ARHGEF3: variants seen among roughly 807,000 people sequenced by gnomAD.
ARHGEF3 encodes the protein Rho guanine nucleotide exchange factor 3.
A neutral mutation model predicts 63.2 loss-of-function variants in ARHGEF3; 28 were observed. The ratio of observed to expected loss-of-function variants is 0.44; its 90% CI spans 0.33 to 0.61. ARHGEF3 has a LOEUF of 0.61. ARHGEF3 is among the 20% of genes least tolerant of loss of function. The pLI is 0.03. For synonymous variants in ARHGEF3, 266 were observed against 254.2 expected (o/e 1.05, Z -0.44); for missense variants, 533 against 659.3 (o/e 0.81, Z 2.10).
intron 1 of ARHGEF3, among the ~76,000 whole-genome samples, chr3:57,044,616 C>T (rs1335204404): frequency 6.6e-6 from 1 of 152,166 alleles, no homozygotes; most frequent in African/African-American, 2.4e-5. Flanking sequence ...GACTGAGTAC[C>T]AGTTCCAGTT....
chr3:57,064,692 G>A (rs1579201599), intron 1 of ARHGEF3, among the ~76,000 whole-genome samples: 1 of 152,290 alleles, frequency 6.6e-6, no homozygotes, highest in Admixed American at 6.5e-5. Flanking sequence ...GTCACAAAAG[G>A]ACAAATATGG....
chr3:57,013,689 T>C lies in ARHGEF3; in HGVS notation c.62+21399A>G, dbSNP rs186738202. Among the ~76,000 whole-genome samples the C allele has an allele frequency of 2.2e-3, 336 of 152,316 alleles. 7 individuals carry two copies. The highest frequency in any genetic ancestry group is 0.019 in the Admixed American group (298 of 15,302). ...CACCAATCAGTGCTCTGTGTCTAGC[T>C]AATCTAGTGGAGACTTGGAGAACTT... On this transcript the variant is annotated intron_variant, in intron 2 of 12. Transcript: ENST00000338458.
rs2035241483 is a variant in ARHGEF3, at chr3:56,758,657, C to T, written c.205-3506G>A. 2.0e-5 allele frequency among the ~76,000 whole-genome samples: 3 copies of T among 152,214 alleles called. No homozygotes were observed. The South Asian group carries it at 6.2e-4, about 32-fold the overall frequency. On this transcript the variant is annotated intron_variant, in intron 2 of 9. Coordinates refer to ENST00000296315, the MANE Select transcript of ARHGEF3 (RefSeq NM_019555.3). The stretch of plus-strand genomic sequence containing the variant: ...CCTATGCAGGTCAAGAAAGTACTTG[C>T]ACCAAATACACAGTTCACTAATGGT...
chr3:56,991,912 G>A (rs1204255606), intron 2 of ARHGEF3, among the ~76,000 whole-genome samples: 1 of 152,148 alleles, frequency 6.6e-6, no homozygotes, highest in South Asian at 2.1e-4. Flanking sequence ...ACCGCGCCCG[G>A]CCCATTAACC....
At chr3:56,819,511 GTT>G (rs11391422) in intron 4 of ARHGEF3, among the ~76,000 whole-genome samples, 5 of 138,448 alleles carry the variant, frequency 3.6e-5, no homozygotes, top group African/African-American at 5.4e-5. Flanking sequence ...CCAGGTGGCA[GTT>G]TTTTTTTTTT....
In ARHGEF3 at chr3:56,990,336, G is replaced by A. The variant is rs117102445; in HGVS notation, c.63-31447C>T. Among the ~76,000 whole-genome samples, 99 of 152,296 alleles carry A rather than the reference G, an allele frequency of 6.5e-4. 1 individual carries two copies. In the East Asian group the frequency reaches 0.012, roughly 18 times the overall value. On this transcript the variant is annotated intron_variant, in intron 2 of 12. Transcript: ENST00000338458. ...CCATGGCTCACGCCTGTAATCCCAC[G>A]ACTTTGGGAGGCCAAGGCAGATGGA...
At position 56,868,632 on chromosome 3, in the gene ARHGEF3, G is replaced by C. The variant is rs568856670; in HGVS notation, c.192+13660C>G. Among the ~76,000 whole-genome samples the C allele has an allele frequency of 1.8e-4, 28 of 152,194 alleles. No homozygotes were observed. In the East Asian group the frequency reaches 5.2e-3, roughly 28 times the overall value. On this transcript the variant is annotated intron_variant, in intron 4 of 12. Transcript: ENST00000338458. Reference sequence around the variant, plus strand: ...CCTGCCTCAGCCTCCAAAAGTGCTGGGATTACAGGCATGAGCCACTGCGCC... The same window carrying C: ...CCTGCCTCAGCCTCCAAAAGTGCTGCGATTACAGGCATGAGCCACTGCGCC...
chr3:56,932,875 T>A (rs2042449986), intron 3 of ARHGEF3, among the ~76,000 whole-genome samples: 1 of 152,206 alleles, frequency 6.6e-6, no homozygotes, highest in Admixed American at 6.5e-5. Context: ...AGGTCAATGA[T>A]TTCAACTGTT....
chr3:56,953,834 G>T (rs1279497397), intron 3 of ARHGEF3, among the ~76,000 whole-genome samples: 7 of 152,142 alleles, frequency 4.6e-5, no homozygotes, highest in African/African-American at 1.7e-4. Flanking sequence ...CCAAGAGAGT[G>T]GCAAAGCTGA....
intron 3 of ARHGEF3, among the ~76,000 whole-genome samples, chr3:56,916,054 G>C (rs76409285): frequency 6.6e-6 from 1 of 152,082 alleles, no homozygotes; most frequent in South Asian, 2.1e-4. Flanking sequence ...ACGCCACTCA[G>C]CTCACCCTCG....
chr3:56,798,894 T>G (rs2037503215), intron 1 of ARHGEF3, among the ~76,000 whole-genome samples: 1 of 152,198 alleles, frequency 6.6e-6, no homozygotes, highest in Non-Finnish European at 1.5e-5. Context: ...TTATGGATAT[T>G]AAAATTAAAC....
chr3:57,003,269 G>A (rs1041454377), intron 2 of ARHGEF3, among the ~76,000 whole-genome samples: 18 of 151,362 alleles, frequency 1.2e-4, no homozygotes, highest in Non-Finnish European at 2.2e-4. Context: ...TGGGTGTGGC[G>A]GCGCACTCCT....
In ARHGEF3 at chr3:56,728,791, T is replaced by C. The variant is rs1559876002; in HGVS notation, c.*479A>G. The stretch of plus-strand genomic sequence containing the variant: ...AAACCAAGTTCACTTCATGAGTTGG[T>C]CTTTCCTGATTCTCTCTCTAATACC... On this transcript the variant is annotated 3_prime_UTR_variant, in exon 10 of 10. Transcript: ENST00000296315. 6.5e-6 allele frequency: 1 copy of C among 154,588 alleles called. No individual in the cohort carries two copies. The highest frequency in any genetic ancestry group is 1.9e-4 in the East Asian group (1 of 5,198). The allele number at this position is 154,588 out of a possible 1,614,324, so 9.6% of individuals were successfully genotyped here.
intron 1 of ARHGEF3, among the ~76,000 whole-genome samples, chr3:57,056,889 C>T (rs560400940): frequency 5.3e-5 from 8 of 151,906 alleles, no homozygotes; most frequent in East Asian, 3.9e-4. Flanking sequence ...TTCAAGCAGG[C>T]GACAAAACAC....
intron 3 of ARHGEF3, among the ~76,000 whole-genome samples, chr3:56,944,544 A>G (rs1699365793): frequency 7.2e-6 from 1 of 138,874 alleles, no homozygotes; most frequent in South Asian, 2.5e-4. Context: ...GTTGCTTCTT[A>G]TGGATGAGCA....
At chr3:56,795,141 A>T (rs1248076106) in intron 1 of ARHGEF3, among the ~76,000 whole-genome samples, 4 of 152,032 alleles carry the variant, frequency 2.6e-5, no homozygotes, top group Admixed American at 2.6e-4. Context: ...CTGGGATCCA[A>T]ATATTTTTGA....
chr3:57,002,498 T>TATATATA (rs747886010), intron 2 of ARHGEF3, among the ~76,000 whole-genome samples: 5 of 13,494 alleles, frequency 3.7e-4, no homozygotes, highest in African/African-American at 1.1e-3. Context: ...TATATATATG[T>TATATATA]TATATATATA....
intron 1 of ARHGEF3, among the ~76,000 whole-genome samples, chr3:57,059,923 G>T (rs1381189969): frequency 6.6e-6 from 1 of 152,154 alleles, no homozygotes; most frequent in African/African-American, 2.4e-5. Context: ...TTGAACCTGG[G>T]AAGCAGAGGT....
At chr3:56,956,711 C>A (rs1343118453) in intron 3 of ARHGEF3, among the ~76,000 whole-genome samples, 2 of 152,140 alleles carry the variant, frequency 1.3e-5, no homozygotes, top group African/African-American at 4.8e-5. Context: ...CGTGTACCCA[C>A]AAGCCTTGGC....
Sources: gnomAD v4.1 joint callset for allele counts (sites outside exome capture counted in the v4.1 genomes callset) on GRCh38, gnomAD v4.1.1 for gene constraint, MANE v1.5 for transcripts, NCBI Gene and HGNC (gene_info 2026-07-23, HGNC 2026-07-21) for gene names.